The following MYO5B variants were observed in gnomAD, a reference collection of about 807,000 sequenced individuals.
MYO5B encodes the protein unconventional myosin-Vb.
MYO5B carries 143 observed loss-of-function variants against 229.3 expected under a neutral mutation model. The ratio of observed to expected loss-of-function variants is 0.62; its 90% CI spans 0.54 to 0.72. MYO5B has a LOEUF of 0.72. MYO5B is among the 30% of genes least tolerant of loss of function. The probability of loss-of-function intolerance (pLI) is 0.00; values close to 1 mark genes in which losing one functional copy is unlikely to be tolerated. For synonymous variants in MYO5B, 918 were observed against 885.2 expected (o/e 1.04, Z -0.66); for missense variants, 2,321 against 2,331.0 (o/e 1.00, Z 0.09).
chr18:50,023,859 T>G (rs2026303236), intron 4 of MYO5B, among the ~76,000 whole-genome samples: 1 of 152,114 alleles, frequency 6.6e-6, no homozygotes, highest in African/African-American at 2.4e-5. Context: ...GTATCATGCG[T>G]TGAAGATGCT....
chr18:50,068,930 T>A (rs1020933575), intron 1 of MYO5B, among the ~76,000 whole-genome samples: 1 of 152,096 alleles, frequency 6.6e-6, no homozygotes, highest in Non-Finnish European at 1.5e-5. Flanking sequence ...CTTTAATATA[T>A]CCATGGAAAG....
At chr18:50,053,996 C>T (rs1479069115) in intron 2 of MYO5B, among the ~76,000 whole-genome samples, 1 of 152,160 alleles carries the variant, frequency 6.6e-6, no homozygotes, top group African/African-American at 2.4e-5. Flanking sequence ...CTATTTTTCT[C>T]CCAGTCGTCT....
At chr18:50,047,250 A>AT (rs1166768963) in intron 2 of MYO5B, among the ~76,000 whole-genome samples, 1 of 108,130 alleles carries the variant, frequency 9.2e-6, no homozygotes, top group African/African-American at 3.3e-5. Flanking sequence ...CAAGAAAAAA[A>AT]CAAACAACCC....
At chr18:50,015,886 T>C (rs2026210493) in intron 4 of MYO5B, among the ~76,000 whole-genome samples, 1 of 152,212 alleles carries the variant, frequency 6.6e-6, no homozygotes, top group Non-Finnish European at 1.5e-5. Context: ...TAAGGGCTGA[T>C]CTGGAACATA....
At chr18:49,902,000 C>A (rs1371946251) in intron 21 of MYO5B, among the ~76,000 whole-genome samples, 1 of 152,256 alleles carries the variant, frequency 6.6e-6, no homozygotes, top group African/African-American at 2.4e-5. Flanking sequence ...CCTATGTCAC[C>A]CCTGCAAGGG....
chr18:50,031,099 G>A (rs1433817296), intron 4 of MYO5B, among the ~76,000 whole-genome samples: 1 of 152,072 alleles, frequency 6.6e-6, no homozygotes, highest in East Asian at 1.9e-4. Context: ...CTGGGGCTGA[G>A]CAGACAAAAT....
At chr18:50,188,801 A>C (rs898019971) in intron 1 of MYO5B, among the ~76,000 whole-genome samples, 987 of 62,586 alleles carry the variant, frequency 0.016, 5 homozygotes, top group Non-Finnish European at 0.029. Flanking sequence ...AAAAAAAAAA[A>C]AAAAAAAAAA....
chr18:50,081,419 G>C (rs975131869), intron 1 of MYO5B, among the ~76,000 whole-genome samples: 1 of 152,200 alleles, frequency 6.6e-6, no homozygotes, highest in Non-Finnish European at 1.5e-5. Flanking sequence ...TCTTTCAGCT[G>C]ATTCATACAC....
Position 49,843,184 on chromosome 18 carries a change from A to AG in MYO5B, c.4611+56dup, listed in dbSNP as rs557916723. The stretch of plus-strand genomic sequence containing the variant: ...ACCCAGACACAGAGAAGCAACAGTA[A>AG]GGGGCTGGCTTCACTCTACCCACCA... On this transcript the variant is annotated intron_variant, in intron 34 of 39. Coordinates refer to ENST00000285039, the MANE Select transcript of MYO5B (RefSeq NM_001080467.3). 149 of 1,604,680 alleles carry AG rather than the reference A, an allele frequency of 9.3e-5. 2 individuals are homozygous for AG. The South Asian group carries it at 1.6e-3, about 17-fold the overall frequency.
chr18:50,001,538 A>C, intron 4 of MYO5B, 127 bp from the exon 5 acceptor site: 1 of 1,175,528 alleles, frequency 8.5e-7, no homozygotes, highest in Non-Finnish European at 1.3e-6. Context: ...ATAAACGCAG[A>C]GGAACAGTGT....
intron 1 of MYO5B, among the ~76,000 whole-genome samples, chr18:50,149,696 A>G (rs2144300816): frequency 6.6e-6 from 1 of 152,144 alleles, no homozygotes; most frequent in Admixed American, 6.5e-5. Flanking sequence ...AAGATGGATT[A>G]AAGACTTACA....
At chr18:49,906,315 C>A in intron 19 of MYO5B, 104 bp downstream of exon 19, 1 of 1,172,386 alleles carries the variant, frequency 8.5e-7, no homozygotes, top group Non-Finnish European at 1.2e-6. Context: ...CCAACAGGAA[C>A]CACTCTCAGC....
intron 21 of MYO5B, among the ~76,000 whole-genome samples, chr18:49,899,772 T>G (rs769394139): frequency 7.2e-5 from 11 of 152,246 alleles, no homozygotes; most frequent in Admixed American, 2.0e-4. Flanking sequence ...AGTCAGGTAG[T>G]GCAGGCAAGG....
intron 9 of MYO5B, 65 bp from the exon 10 acceptor site, chr18:49,974,680 C>T: frequency 6.4e-7 from 1 of 1,565,296 alleles, no homozygotes; most frequent in South Asian, 1.2e-5. Flanking sequence ...CCACCAATGT[C>T]TTCCACCCTC....
chr18:50,183,338 T>TATATATATATATA, intron 1 of MYO5B, among the ~76,000 whole-genome samples: 1 of 137,808 alleles, frequency 7.3e-6, no homozygotes, highest in Middle Eastern at 3.7e-3. Context: ...TATATATATA[T>TATATATATATATA]CTCCTTCAAT....
At chr18:50,042,494 A>G (rs968603119) in intron 2 of MYO5B, among the ~76,000 whole-genome samples, 1 of 152,090 alleles carries the variant, frequency 6.6e-6, no homozygotes, top group African/African-American at 2.4e-5. Context: ...TTTTTTATTT[A>G]TATTAAACTT....
rs2023839961 is a variant in MYO5B, at chr18:49,826,054, C to G, written c.*417G>C. Reference sequence around the variant, plus strand: ...TATGCCATTATCATGGTTATTAGTACCATTATTTGTTAAAGCCCTTTGAAG... The same window carrying G: ...TATGCCATTATCATGGTTATTAGTAGCATTATTTGTTAAAGCCCTTTGAAG... On this transcript the variant is annotated 3_prime_UTR_variant, in exon 40 of 40. Coordinates refer to ENST00000285039, the MANE Select transcript of MYO5B (RefSeq NM_001080467.3). The G allele has an allele frequency of 4.5e-6, 1 of 222,054 alleles. No homozygotes were observed. Among genetic ancestry groups the G allele is most frequent in the Non-Finnish European group, 9.0e-6 (1 of 110,584 alleles). The allele number at this position is 222,054 out of a possible 1,614,324, so 13.8% of individuals were successfully genotyped here.
At chr18:50,035,928 A>G (rs755566787) in intron 4 of MYO5B, among the ~76,000 whole-genome samples, 1 of 152,204 alleles carries the variant, frequency 6.6e-6, no homozygotes, top group Non-Finnish European at 1.5e-5. Flanking sequence ...GATGCCCATA[A>G]AACAGTCTTC....
At chr18:50,156,129 T>C (rs2032674665) in intron 1 of MYO5B, among the ~76,000 whole-genome samples, 1 of 152,230 alleles carries the variant, frequency 6.6e-6, no homozygotes, top group African/African-American at 2.4e-5. Flanking sequence ...GCCACTGGAC[T>C]TCCACAAGCA....
Sources: allele counts gnomAD v4.1 joint callset (sites outside exome capture counted in the v4.1 genomes callset), GRCh38; gene constraint gnomAD v4.1.1; transcripts MANE v1.5; gene names NCBI Gene and HGNC (gene_info 2026-07-23, HGNC 2026-07-21).